Variants in TTC28 observed in about 807,000 individuals in gnomAD.
TTC28 encodes tetratricopeptide repeat domain 28, also known as tetratricopeptide repeat protein 28.
TTC28 carries 61 observed loss-of-function variants against 198.0 expected under a neutral mutation model. That is an observed-to-expected ratio of 0.31 (90% confidence interval 0.25 to 0.38). The LOEUF is 0.38. TTC28 is among the 10% of genes least tolerant of loss of function. The pLI, the probability that TTC28 is intolerant of heterozygous loss-of-function variation, is 1.00. For synonymous variants in TTC28, 1,171 were observed against 1,297.8 expected (o/e 0.90, Z 2.10); for missense variants, 2,678 against 3,164.0 (o/e 0.85, Z 3.69).
chr22:28,151,245 C>A lies in TTC28; in HGVS notation c.1441+11847G>T, dbSNP rs1334653790. On this transcript the variant is annotated intron_variant, in intron 6 of 22. Transcript: ENST00000397906. ...TCATCAAGCCCATTTCAATTACCTG[C>A]TGCTGATAACATCAGATTACAATTA... 2.0e-5 allele frequency among the ~76,000 whole-genome samples: 3 copies of A among 152,238 alleles called. No homozygotes were observed. In the East Asian group the frequency reaches 5.8e-4, roughly 29 times the overall value.
At chr22:28,445,263 C>T (rs990207771) in intron 2 of TTC28, among the ~76,000 whole-genome samples, 2 of 152,130 alleles carry the variant, frequency 1.3e-5, no homozygotes, top group African/African-American at 4.8e-5. Flanking sequence ...AGGTATAAGA[C>T]TAAGTCCTTA....
intron 2 of TTC28, among the ~76,000 whole-genome samples, chr22:28,460,161 T>G (rs573685044): frequency 6.6e-6 from 1 of 152,268 alleles, no homozygotes; most frequent in East Asian, 1.9e-4. Context: ...GAACAAAAGT[T>G]GAATAAGCAA....
intron 2 of TTC28, among the ~76,000 whole-genome samples, chr22:28,425,207 C>A (rs2047330475): frequency 1.3e-5 from 2 of 152,186 alleles, no homozygotes; most frequent in Non-Finnish European, 2.9e-5. Context: ...TGCTGACGTA[C>A]TAAATACAGC....
intron 5 of TTC28, among the ~76,000 whole-genome samples, chr22:28,270,357 T>C (rs572002888): frequency 2.0e-5 from 3 of 152,220 alleles, no homozygotes; most frequent in South Asian, 2.1e-4. Context: ...TAAAGAGAGA[T>C]AGGAAAAGTT....
intron 5 of TTC28, among the ~76,000 whole-genome samples, chr22:28,237,700 A>G (rs1415076694): frequency 6.6e-6 from 1 of 152,138 alleles, no homozygotes; most frequent in African/African-American, 2.4e-5. Context: ...TACATATTTA[A>G]ATTTTGGCCT....
rs1428778013 is a variant in TTC28, at chr22:28,592,574, A to G, written c.381+36978T>C. Among the ~76,000 whole-genome samples, 4 of 152,158 alleles carry G rather than the reference A, an allele frequency of 2.6e-5. No individual in the cohort carries two copies. In the East Asian group the frequency reaches 5.8e-4, roughly 22 times the overall value. On this transcript the variant is annotated intron_variant, in intron 2 of 22. Transcript: ENST00000397906. ...TATATGATTGGTTACGTCACAAGAT[A>G]TCTCTGCTCTGGCTAGTTCATAAAA...
rs112597005 is a variant in TTC28, at chr22:28,653,503, TA to T, written c.103-23674del. 5.0e-3 allele frequency among the ~76,000 whole-genome samples: 697 copies of T among 138,480 alleles called. 1 individual carries two copies. The highest frequency in any genetic ancestry group is 9.6e-3 in the East Asian group (46 of 4,806). 90.8% of individuals were successfully genotyped at this position (138,480 alleles called of 152,430 possible). A position where few individuals can be genotyped will look rare whatever the true frequency, so the allele number is the denominator to read the frequency against. On this transcript the variant is annotated intron_variant, in intron 1 of 22. Coordinates refer to ENST00000397906, the MANE Select transcript of TTC28 (RefSeq NM_001145418.2). ...GGGTGATGGGGGTGAGACCTTGTCT[TA>T]AAAAAAAAAAAAACCAACCCTACCA... is the stretch of plus-strand genomic sequence containing the variant.
chr22:28,061,959 T>C (rs996030666), intron 12 of TTC28, among the ~76,000 whole-genome samples: 1 of 152,182 alleles, frequency 6.6e-6, no homozygotes, highest in African/African-American at 2.4e-5. Flanking sequence ...GATTCCTAGG[T>C]ATTTTATTCT....
chr22:28,032,202 TAAA>T lies in TTC28; in HGVS notation c.3933-1839_3933-1837del, dbSNP rs1428858486. ...TATATATATATAAAATATATATATATAAAATATATATATATAAAATATATATAT... is the reference window on the plus strand; with the variant it reads ...TATATATATATAAAATATATATATATATATATATATATAAAATATATATAT... On this transcript the variant is annotated intron_variant, in intron 12 of 22. Transcript: ENST00000397906. Among the ~76,000 whole-genome samples, 16 of 111,632 alleles carry T rather than the reference TAAA, an allele frequency of 1.4e-4. 1 individual carries two copies. Among genetic ancestry groups the T allele is most frequent in the African/African-American group, 2.0e-4 (6 of 29,662 alleles). 73.2% of individuals were successfully genotyped at this position (111,632 alleles called of 152,430 possible).
intron 2 of TTC28, 128 bp from the exon 3 acceptor site, chr22:28,306,771 A>G: frequency 1.0e-6 from 1 of 976,008 alleles, no homozygotes; most frequent in Non-Finnish European, 1.5e-6. Flanking sequence ...CCTAGTGAAC[A>G]GTTGGTAATG....
chr22:28,001,807 A>G, intron 14 of TTC28: 1 of 511,010 alleles, frequency 2.0e-6, no homozygotes, highest in Non-Finnish European at 3.5e-6. Context: ...AGGTTAGAGG[A>G]CAGTTTCTTG....
chr22:28,301,988 T>A (rs1044514191), intron 3 of TTC28, among the ~76,000 whole-genome samples: 2 of 151,894 alleles, frequency 1.3e-5, no homozygotes, highest in African/African-American at 4.8e-5. Context: ...CAGTGAGCCA[T>A]GACCATGCCA....
chr22:28,511,696 T>G (rs1329701973), intron 2 of TTC28, among the ~76,000 whole-genome samples: 1 of 152,006 alleles, frequency 6.6e-6, no homozygotes, highest in East Asian at 1.9e-4. Flanking sequence ...CACACACCTG[T>G]AATCCTAGCT....
chr22:28,100,884 TTTAC>T (rs1252855030), intron 9 of TTC28, among the ~76,000 whole-genome samples: 2 of 152,260 alleles, frequency 1.3e-5, no homozygotes, highest in African/African-American at 2.4e-5. Context: ...GAATTTTTGT[TTTAC>T]TTGTCATGAG....
Position 27,985,339 on chromosome 22 carries a change from C to T in TTC28, c.5725G>A (p.Val1909Ile), listed in dbSNP as rs1376474265. ...TTCAGGATTACTTCCTCCTGACCAA[C>T]TTCACAGAGATCAAAACCTAGAGGA... ...LAALGFDLCE[V>I]GQEEVILKTG... Residue 1909 changes from valine to isoleucine, a missense_variant, in exon 22 of 23, where the codon GTT (valine) becomes ATT (isoleucine). This residue lies in a region of TTC28 where 314 missense variants were observed against 442.7 expected (regional missense o/e 0.71). Transcript: ENST00000397906. 2.6e-6 allele frequency: 4 copies of T among 1,551,284 alleles called. No homozygotes were observed. Among genetic ancestry groups the T allele is most frequent in the South Asian group, 1.2e-5 (1 of 84,026 alleles).
chr22:28,150,193 GACAGC>G (rs1279550555), intron 6 of TTC28, among the ~76,000 whole-genome samples: 1 of 152,052 alleles, frequency 6.6e-6, no homozygotes, highest in East Asian at 1.9e-4. Context: ...TAAAGTTGAG[GACAGC>G]TATGTAACCC....
At chr22:28,168,779 A>C (rs1313936118) in intron 5 of TTC28, among the ~76,000 whole-genome samples, 1 of 152,268 alleles carries the variant, frequency 6.6e-6, no homozygotes, top group East Asian at 1.9e-4. Flanking sequence ...CTTCGTGTCT[A>C]AAACACCAAA....
chr22:28,025,065 G>C (rs1379405157), intron 13 of TTC28, among the ~76,000 whole-genome samples: 2 of 152,206 alleles, frequency 1.3e-5, no homozygotes, highest in Non-Finnish European at 2.9e-5. Flanking sequence ...GGCTATAGCT[G>C]TAGCTGACGG....
rs1569136340 is a variant in TTC28, at chr22:28,096,417, CA to C, written c.3548-10del. 3.2e-6 allele frequency: 5 copies of C among 1,550,610 alleles called. No individual in the cohort carries two copies. Among genetic ancestry groups the C allele is most frequent in the South Asian group, 1.2e-5 (1 of 83,978 alleles). On this transcript the variant is annotated splice_polypyrimidine_tract_variant and intron_variant, in intron 10 of 22. Coordinates refer to ENST00000397906, the MANE Select transcript of TTC28 (RefSeq NM_001145418.2). ...GGCTTCATCATGATGGCCTAGGAGA[CA>C]AAGAGATATGCCGAGGAGTCCATAG...
Sources: gnomAD v4.1 joint callset for allele counts (sites outside exome capture counted in the v4.1 genomes callset) on GRCh38, gnomAD v4.1.1 for gene constraint, gnomAD v4.1.1 regional missense constraint, MANE v1.5 for transcripts, NCBI Gene and HGNC (gene_info 2026-07-23, HGNC 2026-07-21) for gene names.